ULK4: variants seen among roughly 807,000 people sequenced by gnomAD.
The protein encoded by ULK4 is unc-51 like kinase 4.
ULK4 carries 133 observed loss-of-function variants against 160.6 expected under a neutral mutation model. The ratio of observed to expected loss-of-function variants is 0.83; its 90% CI spans 0.72 to 0.96. The LOEUF (loss-of-function observed/expected upper bound fraction) is 0.96, where lower values mean the gene tolerates loss of function less well. Ranked by LOEUF, ULK4 falls within the 40% of genes least tolerant of loss-of-function variation. The pLI is 0.00. For missense variants in ULK4, 1,580 were observed against 1,499.5 expected (o/e 1.05, Z -0.89); for synonymous variants, 534 against 539.8 (o/e 0.99, Z 0.15).
chr3:41,480,682 A>G (rs1351177045), intron 32 of ULK4, among the ~76,000 whole-genome samples: 2 of 152,080 alleles, frequency 1.3e-5, no homozygotes, highest in African/African-American at 4.8e-5. Context: ...CCATTCTCAC[A>G]CTGCTAATAA....
In ULK4 at chr3:41,754,387, C is replaced by CT. The variant is rs774843451; in HGVS notation, c.2294dup (p.Met766AspfsTer32). On this transcript the variant is annotated frameshift_variant, in exon 22 of 37. Coordinates refer to ENST00000301831, the MANE Select transcript of ULK4 (RefSeq NM_017886.4). LOFTEE classifies it high-confidence loss of function. ...TTGCTTGGCAACTGAGCAGCAACAT[C>CT]TCACGGTTATAAATCAAAATATATA... 3 of 1,612,408 alleles carry CT rather than the reference C, an allele frequency of 1.9e-6. No individual in the cohort carries two copies. Among genetic ancestry groups the CT allele is most frequent in the Non-Finnish European group, 2.5e-6 (3 of 1,179,434 alleles).
intron 22 of ULK4, among the ~76,000 whole-genome samples, chr3:41,733,153 T>C (rs1033618636): frequency 8.5e-5 from 13 of 152,116 alleles, no homozygotes; most frequent in Admixed American, 6.5e-5. Context: ...TGCAGTGATA[T>C]GCTATATACC....
chr3:41,517,880 G>A (rs923445758), intron 32 of ULK4, among the ~76,000 whole-genome samples: 1 of 152,144 alleles, frequency 6.6e-6, no homozygotes, highest in African/African-American at 2.4e-5. Flanking sequence ...AGGTAATTGT[G>A]TAATTAAAGG....
intron 1 of ULK4, among the ~76,000 whole-genome samples, chr3:41,955,956 T>C (rs373163862): frequency 4.6e-5 from 7 of 152,306 alleles, no homozygotes; most frequent in African/African-American, 1.7e-4. Context: ...ATAATATATG[T>C]GAGGCAGGAG....
intron 8 of ULK4, among the ~76,000 whole-genome samples, chr3:41,915,021 A>C (rs959670247): frequency 8.5e-5 from 13 of 152,230 alleles, no homozygotes; most frequent in Non-Finnish European, 8.8e-5. Context: ...AAATGGAAAA[A>C]TATGCATAAT....
At chr3:41,261,513 G>A (rs1278014448) in intron 35 of ULK4, among the ~76,000 whole-genome samples, 2 of 152,120 alleles carry the variant, frequency 1.3e-5, no homozygotes, top group Non-Finnish European at 2.9e-5. Flanking sequence ...AAAGTTGTTG[G>A]CTGATTGGCT....
chr3:41,737,823 C>A (rs1004905036), intron 22 of ULK4, among the ~76,000 whole-genome samples: 1 of 151,796 alleles, frequency 6.6e-6, no homozygotes, highest in Non-Finnish European at 1.5e-5. Flanking sequence ...AAGTTTGGGC[C>A]CAAATTCAAA....
At chr3:41,857,880 T>G (rs2042398304) in intron 17 of ULK4, among the ~76,000 whole-genome samples, 1 of 152,154 alleles carries the variant, frequency 6.6e-6, no homozygotes, top group South Asian at 2.1e-4. Flanking sequence ...AGTTTGTCAT[T>G]TTGTTTTAAC....
intron 17 of ULK4, among the ~76,000 whole-genome samples, chr3:41,843,396 C>T (rs991889785): frequency 7.9e-5 from 12 of 152,254 alleles, no homozygotes; most frequent in Admixed American, 2.6e-4. Flanking sequence ...AATGAAGCTG[C>T]GGACCCTCGC....
At position 41,249,545 on chromosome 3, in the gene ULK4, G is replaced by C. The variant is rs757207954; in HGVS notation, c.3708C>G (p.Ser1236Arg). 1 of 1,614,118 alleles carries C rather than the reference G, an allele frequency of 6.2e-7. No individual in the cohort carries two copies. Among genetic ancestry groups the C allele is most frequent in the South Asian group, 1.1e-5 (1 of 91,046 alleles). Reference sequence around the variant, plus strand: ...GCAGGAGGCTGCCTGCATTCTTGAGGCTCTCCAAGTGCTTCTCATTGGAGG... The same window carrying C: ...GCAGGAGGCTGCCTGCATTCTTGAGCCTCTCCAAGTGCTTCTCATTGGAGG... Reference protein sequence around the residue: ...MITSNEKHLESLKNAGSLLRA... With the variant: ...MITSNEKHLERLKNAGSLLRA... The change falls in exon 36 of 37, where the codon AGC (serine) becomes AGG (arginine). Residue 1236 changes from serine (S) to arginine (R), a missense_variant. Transcript: ENST00000301831.
chr3:41,284,640 T>C (rs1451002497), intron 35 of ULK4, among the ~76,000 whole-genome samples: 1 of 152,118 alleles, frequency 6.6e-6, no homozygotes, highest in Admixed American at 6.6e-5. Flanking sequence ...ACTATAAAAA[T>C]TCTAGAAGAT....
At chr3:41,504,261 C>G (rs749151115) in intron 32 of ULK4, among the ~76,000 whole-genome samples, 1 of 152,164 alleles carries the variant, frequency 6.6e-6, no homozygotes, top group African/African-American at 2.4e-5. Flanking sequence ...GTGTCAACAT[C>G]TGACATACTT....
chr3:41,388,198 T>C (rs1379763309), intron 35 of ULK4, among the ~76,000 whole-genome samples: 2 of 152,170 alleles, frequency 1.3e-5, no homozygotes, highest in Non-Finnish European at 1.5e-5. Flanking sequence ...GTTCATATCC[T>C]TCACCCACTT....
intron 19 of ULK4, among the ~76,000 whole-genome samples, chr3:41,804,227 T>C (rs2040563027): frequency 1.3e-5 from 2 of 152,190 alleles, no homozygotes; most frequent in South Asian, 4.1e-4. Flanking sequence ...TGCATTTCTC[T>C]GATGGCCAGT....
At chr3:41,506,767 A>AAAAAAAAAAAAAT in intron 32 of ULK4, among the ~76,000 whole-genome samples, 7 of 56,792 alleles carry the variant, frequency 1.2e-4, no homozygotes, top group Non-Finnish European at 1.9e-4. Flanking sequence ...TGTGATTTAA[A>AAAAAAAAAAAAAT]ATATATATAT....
At chr3:41,780,335 G>A (rs548167708) in intron 21 of ULK4, among the ~76,000 whole-genome samples, 4 of 151,624 alleles carry the variant, frequency 2.6e-5, no homozygotes, top group Non-Finnish European at 4.4e-5. Context: ...GCATGATGGT[G>A]TATGCTATCT....
chr3:41,654,882 AC>A (rs1315109409), intron 30 of ULK4, among the ~76,000 whole-genome samples: 1 of 152,194 alleles, frequency 6.6e-6, no homozygotes, highest in African/African-American at 2.4e-5. Context: ...ATAATGAGAA[AC>A]CATGTATGAG....
At chr3:41,342,893 C>T (rs146536677) in intron 35 of ULK4, among the ~76,000 whole-genome samples, 2,433 of 152,256 alleles carry the variant, frequency 0.016, 54 homozygotes, top group African/African-American at 0.049. Context: ...AAATGTGATT[C>T]ACCACATAAA....
chr3:41,696,096 G>A (rs146120883), intron 27 of ULK4, among the ~76,000 whole-genome samples: 75 of 152,228 alleles, frequency 4.9e-4, no homozygotes, highest in African/African-American at 1.8e-3. Context: ...TTAGCGGAAC[G>A]GGAAAGGCAA....
Sources: allele counts gnomAD v4.1 joint callset (sites outside exome capture counted in the v4.1 genomes callset), GRCh38; gene constraint gnomAD v4.1.1; transcripts MANE v1.5; gene names NCBI Gene and HGNC (gene_info 2026-07-23, HGNC 2026-07-21).